Variants in PYHIN1 observed in about 807,000 individuals in gnomAD.
The protein encoded by PYHIN1 is pyrin and HIN domain family member 1.
Under a neutral mutation model 43.7 loss-of-function variants are expected in PYHIN1, and 32 were observed. The observed-to-expected ratio is 0.73, with a 90% CI of 0.55 to 0.98. The LOEUF (loss-of-function observed/expected upper bound fraction) is 0.98. Among genes scored for constraint, PYHIN1 ranks in the 50% least tolerant of loss-of-function variants. The probability of loss-of-function intolerance (pLI) is 0.00; values close to 1 mark genes in which losing one functional copy is unlikely to be tolerated. For synonymous variants in PYHIN1, 205 were observed against 203.1 expected, an observed-to-expected ratio of 1.01 and a Z score of -0.08; for missense variants, 588 against 589.5, an observed-to-expected ratio of 1.00 and a Z score of 0.03.
chr1:158,968,895 A>G (rs1650785213), intron 7 of PYHIN1, among the ~76,000 whole-genome samples: 1 of 151,948 alleles, frequency 6.6e-6, no homozygotes, highest in African/African-American at 2.4e-5. Context: ...CGCCTACTTG[A>G]AGATGGAGGA....
intron 7 of PYHIN1, among the ~76,000 whole-genome samples, chr1:158,947,050 A>G (rs1187634769): frequency 6.6e-6 from 1 of 152,168 alleles, no homozygotes; most frequent in Non-Finnish European, 1.5e-5. Flanking sequence ...AGTTTCTTAC[A>G]CAAGATACTA....
chr1:158,986,656 GCC>G, the PYHIN1 span, among the ~76,000 whole-genome samples: 1 of 152,162 alleles, frequency 6.6e-6, no homozygotes, highest in Non-Finnish European at 1.5e-5. Context: ...GATCAAACCA[GCC>G]CCACCCTTTG....
chr1:158,979,016 C>A (rs1195903856), downstream of PYHIN1, among the ~76,000 whole-genome samples: 1 of 152,148 alleles, frequency 6.6e-6, no homozygotes, highest in African/African-American at 2.4e-5. Context: ...TGGTTCTCTG[C>A]AAGAGGCAGT....
intron 7 of PYHIN1, among the ~76,000 whole-genome samples, chr1:158,957,493 A>C (rs192243777): frequency 0.093 from 13,921 of 150,290 alleles, 764 homozygotes; most frequent in African/African-American, 0.11. Context: ...TGAGAAAAAC[A>C]AGCAATGGGG....
At chr1:158,937,206 G>A (rs771099536) in intron 2 of PYHIN1, 31 bp downstream of exon 2, 12 of 1,537,124 alleles carry the variant, frequency 7.8e-6, no homozygotes, top group Middle Eastern at 1.8e-4. Context: ...CCCACTCCCT[G>A]CAATGATCCC....
chr1:158,940,741 C>T (rs1261241746), intron 4 of PYHIN1, among the ~76,000 whole-genome samples: 2 of 152,050 alleles, frequency 1.3e-5, no homozygotes, highest in African/African-American at 4.8e-5. Context: ...AAGACTATTT[C>T]AGAAAAAAAG....
chr1:158,983,649 T>A, the PYHIN1 span, among the ~76,000 whole-genome samples: 1 of 152,138 alleles, frequency 6.6e-6, no homozygotes, highest in African/African-American at 2.4e-5. Context: ...AATGCTGACC[T>A]CATAGAATGA....
intron 6 of PYHIN1, 123 bp from the exon 7 acceptor site, chr1:158,944,752 G>A: frequency 1.5e-6 from 1 of 688,376 alleles, no homozygotes; most frequent in South Asian, 4.4e-5. Flanking sequence ...ATTAGATAGA[G>A]GCAATCTTTG....
chr1:158,962,193 G>A (rs1449348216), intron 7 of PYHIN1, among the ~76,000 whole-genome samples: 1 of 152,126 alleles, frequency 6.6e-6, no homozygotes, highest in Non-Finnish European at 1.5e-5. Context: ...TTTTATACGT[G>A]GATTCCCGAT....
chr1:158,966,974 G>T (rs1173201355), intron 7 of PYHIN1, among the ~76,000 whole-genome samples: 1 of 152,098 alleles, frequency 6.6e-6, no homozygotes, highest in African/African-American at 2.4e-5. Flanking sequence ...CATAGTCTCT[G>T]CAGAAAAGCT....
At chr1:158,988,819 A>T in the PYHIN1 span, among the ~76,000 whole-genome samples, 1 of 152,228 alleles carries the variant, frequency 6.6e-6, no homozygotes, top group Admixed American at 6.5e-5. Context: ...CATTTGAAAA[A>T]TGCTTATTCT....
chr1:158,958,069 C>G (rs550457024), intron 7 of PYHIN1, among the ~76,000 whole-genome samples: 1 of 152,246 alleles, frequency 6.6e-6, no homozygotes, highest in East Asian at 1.9e-4. Context: ...CCATCTCACA[C>G]CAGTTAGAAT....
intron 7 of PYHIN1, among the ~76,000 whole-genome samples, chr1:158,950,035 G>A (rs1468721594): frequency 6.6e-6 from 1 of 152,190 alleles, no homozygotes; most frequent in Non-Finnish European, 1.5e-5. Flanking sequence ...TTAGTCCAAT[G>A]TGTGCCATTA....
At chr1:158,941,159 G>A (rs764964507) in intron 4 of PYHIN1, among the ~76,000 whole-genome samples, 2 of 152,204 alleles carry the variant, frequency 1.3e-5, no homozygotes, top group Non-Finnish European at 2.9e-5. Context: ...CACTCCAGGA[G>A]CTGCTGGTTT....
chr1:158,951,877 T>C (rs907070508), intron 7 of PYHIN1, among the ~76,000 whole-genome samples: 2 of 152,134 alleles, frequency 1.3e-5, no homozygotes, highest in South Asian at 2.1e-4. Flanking sequence ...TTGGAGAGAG[T>C]CACGTTAGGG....
At chr1:158,977,683 T>A (rs1411151947), downstream of PYHIN1, among the ~76,000 whole-genome samples, 1 of 152,166 alleles carries the variant, frequency 6.6e-6, no homozygotes, top group Non-Finnish European at 1.5e-5. Context: ...TTATTTTGTG[T>A]CATTTAATCT....
chr1:158,966,847 A>C (rs949916910), intron 7 of PYHIN1, among the ~76,000 whole-genome samples: 1 of 152,058 alleles, frequency 6.6e-6, no homozygotes. Context: ...ATAGAGTACT[A>C]GAAATCCCGG....
chr1:158,932,433 C>T (rs896428870), intron 1 of PYHIN1, among the ~76,000 whole-genome samples: 1 of 152,094 alleles, frequency 6.6e-6, no homozygotes, highest in South Asian at 2.1e-4. Context: ...CAAGCCTGCA[C>T]ATGTACCCTC....
rs538581772 is a variant in PYHIN1, at chr1:158,955,579, A to C, written c.1359+10537A>C. Among the ~76,000 whole-genome samples the C allele has an allele frequency of 1.1e-3, 165 of 148,684 alleles. 1 individual carries two copies. Among genetic ancestry groups the C allele is most frequent in the African/African-American group, 4.0e-3 (160 of 40,214 alleles). On this transcript the variant is annotated intron_variant, in intron 7 of 8. Transcript: ENST00000368140. ...CGAGAACAAAGACACAACATACCAG[A>C]ATCTCTGGGACGCATTCAAAGCAGT...
Sources: allele counts gnomAD v4.1 joint callset (sites outside exome capture counted in the v4.1 genomes callset), GRCh38; gene constraint gnomAD v4.1.1; transcripts MANE v1.5; gene names NCBI Gene and HGNC (gene_info 2026-07-23, HGNC 2026-07-21).